The following NRCAM variants were observed in gnomAD, a reference collection of about 807,000 sequenced individuals.
NRCAM encodes the protein neuronal cell adhesion molecule, also known as NgCAM-related cell adhesion molecule.
A neutral mutation model predicts 156.5 loss-of-function variants in NRCAM; 83 were observed. The observed-to-expected ratio is 0.53, with a 90% CI of 0.44 to 0.64. The LOEUF (loss-of-function observed/expected upper bound fraction) is 0.64. Ranked by LOEUF, NRCAM falls within the 30% of genes least tolerant of loss-of-function variation. NRCAM has a pLI of 0.00. For missense variants in NRCAM, 1,417 were observed against 1,597.3 expected (o/e 0.89, Z 1.92); for synonymous variants, 538 against 563.9 (o/e 0.95, Z 0.65).
At chr7:108,414,674 A>G (rs894508127) in intron 1 of NRCAM, among the ~76,000 whole-genome samples, 1 of 152,218 alleles carries the variant, frequency 6.6e-6, no homozygotes, top group Non-Finnish European at 1.5e-5. Flanking sequence ...GATACCACTC[A>G]GTGTACAGGG....
chr7:108,154,726 A>AG (rs1298503626), intron 32 of NRCAM, among the ~76,000 whole-genome samples: 3 of 152,288 alleles, frequency 2.0e-5, no homozygotes, highest in Non-Finnish European at 4.4e-5. Context: ...CGGTTAAATG[A>AG]GAAAAAATTA....
rs375016925 is a variant in NRCAM at position 108,397,724 on chromosome 7, GT to G, written c.-174+1711del. 2.2e-4 allele frequency among the ~76,000 whole-genome samples: 33 copies of G among 152,318 alleles called. 1 individual carries two copies. The South Asian group carries it at 6.4e-3, about 30-fold the overall frequency. On this transcript the variant is annotated intron_variant, in intron 2 of 32. Transcript: ENST00000379028. ...CATTTGAGAAAGCAAAGCTCCTTTC[GT>G]AAATAATTGCTGTAGCTATTGTGAA...
In NRCAM at chr7:108,175,269, T is replaced by C. The variant is rs1389195009; in HGVS notation, c.3187+53A>G. On this transcript the variant is annotated intron_variant, in intron 28 of 32. Transcript: ENST00000379028. ...TTACCCATGCTGCACTTCCCCATGT[T>C]TCACATTGCAAATTTCACACATGTA... 2.0e-6 allele frequency: 3 copies of C among 1,476,202 alleles called. No individual in the cohort carries two copies. In the African/African-American group the frequency reaches 4.2e-5, roughly 21 times the overall value. The allele number at this position is 1,476,202 out of a possible 1,614,324, so 91.4% of individuals were successfully genotyped here.
intron 2 of NRCAM, among the ~76,000 whole-genome samples, chr7:108,335,719 T>C (rs2099180395): frequency 6.6e-6 from 1 of 152,152 alleles, no homozygotes; most frequent in African/African-American, 2.4e-5. Flanking sequence ...ACCACAGAAA[T>C]CTTACTGTTG....
rs10665036 is a variant in NRCAM, at chr7:108,300,160, C to CTTTTTTT, written c.-107+12498_-107+12504dup. Among the ~76,000 whole-genome samples the CTTTTTTT allele has an allele frequency of 4.0e-3, 262 of 65,858 alleles. 12 individuals carry two copies. The highest frequency in any genetic ancestry group is 0.014 in the African/African-American group (245 of 17,654). The allele number at this position is 65,858 out of a possible 152,430, so 43.2% of individuals were successfully genotyped here. A position where few individuals can be genotyped will look rare whatever the true frequency, so the allele number is the denominator to read the frequency against. ...TAATCCTTCCCCAAATTTCTGTTGACTTTTTTTTTTTTTTTTTTTTTTTTT... is the reference window on the plus strand; with the variant it reads ...TAATCCTTCCCCAAATTTCTGTTGACTTTTTTTTTTTTTTTTTTTTTTTTTTTTTTTT... On this transcript the variant is annotated intron_variant, in intron 3 of 32. Transcript: ENST00000379028.
intron 3 of NRCAM, among the ~76,000 whole-genome samples, chr7:108,291,507 C>T (rs903291264): frequency 6.6e-6 from 1 of 152,160 alleles, no homozygotes; most frequent in Non-Finnish European, 1.5e-5. Flanking sequence ...ATGTGTCTTT[C>T]TTGACAGGTA....
rs531759193 is a variant in NRCAM at position 108,255,990 on chromosome 7, C to T, written c.-106-15820G>A. Among the ~76,000 whole-genome samples, 639 of 148,254 alleles carry T rather than the reference C, an allele frequency of 4.3e-3. 1 individual carries two copies. The highest frequency in any genetic ancestry group is 7.2e-3 in the Non-Finnish European group (484 of 66,934). ...GCAGCCCCCGCCCGGCCAGCTGCCC[C>T]GTCCGGGAGGGAGGTGGGGGCAGCC... On this transcript the variant is annotated intron_variant, in intron 3 of 32. Coordinates refer to ENST00000379028, the MANE Select transcript of NRCAM (RefSeq NM_001037132.4).
rs79674590 is a variant in NRCAM at position 108,293,724 on chromosome 7, T to G, written c.-107+18941A>C. Among the ~76,000 whole-genome samples, 1,393 of 152,360 alleles carry G rather than the reference T, an allele frequency of 9.1e-3. 33 individuals carry two copies. The highest frequency in any genetic ancestry group is 0.032 in the African/African-American group (1,320 of 41,580). ...AGGTTTTCATATGTATTATATCATTTAGTCTTCACCAAAACTCTGCAAGAT... is the reference window on the plus strand; with the variant it reads ...AGGTTTTCATATGTATTATATCATTGAGTCTTCACCAAAACTCTGCAAGAT... On this transcript the variant is annotated intron_variant, in intron 3 of 32. Transcript: ENST00000379028.
intron 13 of NRCAM, among the ~76,000 whole-genome samples, chr7:108,201,058 G>A (rs1294255170): frequency 6.6e-6 from 1 of 151,556 alleles, no homozygotes; most frequent in Non-Finnish European, 1.5e-5. Flanking sequence ...GGTGGCCGGT[G>A]CACCAAAATC....
chr7:108,194,089 A>G lies in NRCAM; in HGVS notation c.1713T>C (p.His571=), dbSNP rs1447969763. ...GGACAGTGAGGGATAAGGTGTGATC[A>G]TGTTTCACTTTGCATTCAAAGGACA... ...SMVSFECKVK[H]DHTLSLTVLW... Residue 571 remains histidine (H), a synonymous_variant, in exon 17 of 33, where the codon CAT becomes CAC. Transcript: ENST00000379028. The G allele has an allele frequency of 3.1e-6, 5 of 1,614,164 alleles. No homozygotes were observed. The Admixed American group carries it at 5.0e-5, about 16-fold the overall frequency.
intron 31 of NRCAM, among the ~76,000 whole-genome samples, chr7:108,160,105 T>G (rs543555152): frequency 6.6e-6 from 1 of 152,310 alleles, no homozygotes; most frequent in African/African-American, 2.4e-5. Context: ...CCATAACCTA[T>G]GTGGAGTCTA....
chr7:108,317,712 C>G (rs2098944977), intron 2 of NRCAM, among the ~76,000 whole-genome samples: 1 of 151,924 alleles, frequency 6.6e-6, no homozygotes, highest in African/African-American at 2.4e-5. Context: ...GAGTTCAAGA[C>G]CAGCCTGGCC....
At chr7:108,198,869 T>C (rs1451195249) in intron 13 of NRCAM, among the ~76,000 whole-genome samples, 1 of 152,232 alleles carries the variant, frequency 6.6e-6, no homozygotes, top group Non-Finnish European at 1.5e-5. Flanking sequence ...GGAACAGGCT[T>C]GATCCTTACT....
intron 1 of NRCAM, among the ~76,000 whole-genome samples, chr7:108,453,294 C>T (rs922249993): frequency 1.3e-5 from 2 of 152,168 alleles, no homozygotes; most frequent in Admixed American, 6.5e-5. Flanking sequence ...AAAATTACAC[C>T]TGCATGAAAG....
chr7:108,228,573 T>C lies in NRCAM; in HGVS notation c.551-2195A>G, dbSNP rs2093845713. ...GCAAGAAGTATGCTATATAAATTTTTTTCTCATATTGCAGGTGCAATTCCA... is the reference window on the plus strand; with the variant it reads ...GCAAGAAGTATGCTATATAAATTTTCTTCTCATATTGCAGGTGCAATTCCA... On this transcript the variant is annotated intron_variant, in intron 8 of 32. Coordinates refer to ENST00000379028, the MANE Select transcript of NRCAM (RefSeq NM_001037132.4). 3.3e-5 allele frequency among the ~76,000 whole-genome samples: 5 copies of C among 152,358 alleles called. No individual in the cohort carries two copies. The South Asian group carries it at 1.0e-3, about 32-fold the overall frequency.
At chr7:108,232,666 A>C in intron 6 of NRCAM, 144 bp from the exon 7 acceptor site, 1 of 544,236 alleles carries the variant, frequency 1.8e-6, no homozygotes, top group Non-Finnish European at 3.1e-6. Context: ...CTCATATCTA[A>C]AATGTTTCAT....
chr7:108,210,902 G>A (rs1256006677), intron 11 of NRCAM, among the ~76,000 whole-genome samples: 1 of 152,332 alleles, frequency 6.6e-6, no homozygotes, highest in East Asian at 1.9e-4. Context: ...AATAAGAACA[G>A]CTCAGCCCAG....
Position 108,418,597 on chromosome 7 carries a change from A to ACACG in NRCAM, c.-331-19008_-331-19005dup, listed in dbSNP as rs1029350098. ...CACACACACACACACACACACACAC[A>ACACG]CACGCACTGAAAGTTGCTATCACTA... is the stretch of plus-strand genomic sequence containing the variant. On this transcript the variant is annotated intron_variant, in intron 1 of 32. Coordinates refer to ENST00000379028, the MANE Select transcript of NRCAM (RefSeq NM_001037132.4). Among the ~76,000 whole-genome samples the ACACG allele has an allele frequency of 2.0e-5, 3 of 149,116 alleles. No individual in the cohort carries two copies. In the East Asian group the frequency reaches 5.9e-4, roughly 30 times the overall value.
chr7:108,306,490 C>T (rs1435928682), intron 3 of NRCAM, among the ~76,000 whole-genome samples: 2 of 152,334 alleles, frequency 1.3e-5, no homozygotes, highest in East Asian at 3.9e-4. Context: ...GCTGAACCTT[C>T]TCACATCATT....
Sources: allele counts gnomAD v4.1 joint callset (sites outside exome capture counted in the v4.1 genomes callset), GRCh38; gene constraint gnomAD v4.1.1; transcripts MANE v1.5; gene names NCBI Gene and HGNC (gene_info 2026-07-23, HGNC 2026-07-21).